The following PPP4R2 variants were observed in gnomAD, a reference collection of about 807,000 sequenced individuals.
PPP4R2 encodes serine/threonine-protein phosphatase 4 regulatory subunit 2.
Under a neutral mutation model 47.2 loss-of-function variants are expected in PPP4R2, and 13 were observed. The observed-to-expected ratio is 0.28, with a 90% CI of 0.18 to 0.44. PPP4R2 has a LOEUF of 0.44. Among genes scored for constraint, PPP4R2 ranks in the 20% least tolerant of loss-of-function variants. The pLI is 1.00. For missense variants in PPP4R2, 421 were observed against 491.2 expected, an observed-to-expected ratio of 0.86 and a Z score of 1.35; for synonymous variants, 151 against 163.3, an observed-to-expected ratio of 0.92 and a Z score of 0.57.
intron 1 of PPP4R2, chr3:72,997,349 G>T: frequency 2.7e-6 from 1 of 374,296 alleles, no homozygotes; most frequent in Non-Finnish European, 4.8e-6. Context: ...CCCGTTCAGG[G>T]GACGAGTGGC....
intron 3 of PPP4R2, among the ~76,000 whole-genome samples, chr3:73,052,805 A>G (rs968136830): frequency 2.0e-5 from 3 of 152,322 alleles, no homozygotes; most frequent in African/African-American, 7.2e-5. Flanking sequence ...TAGTGTTCCT[A>G]TATATTTATG....
rs116579644 is a variant in PPP4R2 at position 73,048,879 on chromosome 3, T to C, written c.287+1523T>C. ...AGGTTTAAGAATTTTGCTTGAAATGTCAAACCCTTAGGCCTTGACTTGGGG... is the reference window on the plus strand; with the variant it reads ...AGGTTTAAGAATTTTGCTTGAAATGCCAAACCCTTAGGCCTTGACTTGGGG... On this transcript the variant is annotated intron_variant, in intron 3 of 8. Coordinates refer to ENST00000356692, the MANE Select transcript of PPP4R2 (RefSeq NM_174907.4). 3.9e-3 allele frequency among the ~76,000 whole-genome samples: 590 copies of C among 152,330 alleles called. 7 individuals are homozygous for C. Among genetic ancestry groups the C allele is most frequent in the African/African-American group, 0.013 (541 of 41,568 alleles).
rs1034887321 is a variant in PPP4R2, at chr3:73,013,452, G to T, written c.116+15294G>T. Reference sequence around the variant, plus strand: ...TGCAAAGATGATTGAAATTGATACTGCTTTAGATGTTTCTGTCTCATTTTA... The same window carrying T: ...TGCAAAGATGATTGAAATTGATACTTCTTTAGATGTTTCTGTCTCATTTTA... On this transcript the variant is annotated intron_variant, in intron 2 of 8. Transcript: ENST00000356692. Among the ~76,000 whole-genome samples the T allele has an allele frequency of 2.0e-5, 3 of 151,640 alleles. No homozygotes were observed. In the East Asian group the frequency reaches 5.8e-4, roughly 29 times the overall value.
intron 2 of PPP4R2, among the ~76,000 whole-genome samples, chr3:73,028,077 T>C (rs12630903): frequency 5.3e-5 from 8 of 150,982 alleles, no homozygotes; most frequent in African/African-American, 2.4e-5. Flanking sequence ...GCCAACATGG[T>C]GAAACCTCAT....
At chr3:73,062,308 G>A (rs760790466) in intron 5 of PPP4R2, 2 of 1,606,944 alleles carry the variant, frequency 1.2e-6, no homozygotes, top group Non-Finnish European at 1.7e-6. Flanking sequence ...CTTCAAGGAA[G>A]ATTTGAGCTA....
chr3:73,035,941 C>T lies in PPP4R2; in HGVS notation c.117-11245C>T, dbSNP rs542055888. On this transcript the variant is annotated intron_variant, in intron 2 of 8. Coordinates refer to ENST00000356692, the MANE Select transcript of PPP4R2 (RefSeq NM_174907.4). ...AATACCTGCACTTTAATATTTATTG[C>T]AGCATTATTTACAGTAGCCAAGATA... 2.0e-5 allele frequency among the ~76,000 whole-genome samples: 3 copies of T among 152,298 alleles called. No individual in the cohort carries two copies. The South Asian group carries it at 6.2e-4, about 32-fold the overall frequency.
At chr3:73,014,085 A>G (rs1701777569) in intron 2 of PPP4R2, among the ~76,000 whole-genome samples, 1 of 129,970 alleles carries the variant, frequency 7.7e-6, no homozygotes, top group Admixed American at 7.6e-5. Flanking sequence ...AACCAATTCA[A>G]ACAGTGCTTA....
intron 2 of PPP4R2, among the ~76,000 whole-genome samples, chr3:73,023,326 A>C (rs753758057): frequency 6.6e-6 from 1 of 152,046 alleles, no homozygotes; most frequent in Non-Finnish European, 1.5e-5. Flanking sequence ...AGCTCAGATT[A>C]CGGGCATGCG....
chr3:73,052,421 C>CA (rs939768033), intron 3 of PPP4R2, among the ~76,000 whole-genome samples: 1 of 151,782 alleles, frequency 6.6e-6, no homozygotes, highest in Non-Finnish European at 1.5e-5. Context: ...ATTAAAAGAC[C>CA]ATTTTATGCC....
rs544845788 is a variant in PPP4R2 at position 73,060,407 on chromosome 3, T to G, written c.382-616T>G. Among the ~76,000 whole-genome samples, 5 of 152,288 alleles carry G rather than the reference T, an allele frequency of 3.3e-5. No individual in the cohort carries two copies. The East Asian group carries it at 7.7e-4, about 24-fold the overall frequency. On this transcript the variant is annotated intron_variant, in intron 4 of 8. Transcript: ENST00000356692. The stretch of plus-strand genomic sequence containing the variant: ...CCCTGCCTTTAAATCAGGGTTGCAG[T>G]GTTTCATAGTTGTGTGACCTTGGGC...
chr3:73,061,155 T>A (rs1702850268), intron 5 of PPP4R2, 95 bp downstream of exon 5: 1 of 545,808 alleles, frequency 1.8e-6, no homozygotes, highest in South Asian at 3.7e-5. Flanking sequence ...CTGAATTTAT[T>A]TAATATGTAA....
intron 3 of PPP4R2, among the ~76,000 whole-genome samples, chr3:73,048,511 C>T (rs1042693839): frequency 3.3e-5 from 5 of 152,344 alleles, no homozygotes; most frequent in Admixed American, 6.5e-5. Context: ...ACCTCAGCCT[C>T]CCACAGTGTT....
At position 73,044,220 on chromosome 3, in the gene PPP4R2, T is replaced by TTTGTTG. The variant is rs35270798; in HGVS notation, c.117-2948_117-2943dup. ...TGAATCATAGGGTGGTTTCATAATT[T>TTTGTTG]TTGTTGTTGTTGTTGTTGTTGTTTT... On this transcript the variant is annotated intron_variant, in intron 2 of 8. Coordinates refer to ENST00000356692, the MANE Select transcript of PPP4R2 (RefSeq NM_174907.4). Among the ~76,000 whole-genome samples, 827 of 150,968 alleles carry TTTGTTG rather than the reference T, an allele frequency of 5.5e-3. 20 individuals carry two copies. Among genetic ancestry groups the TTTGTTG allele is most frequent in the Admixed American group, 0.033 (499 of 15,162 alleles).
At chr3:73,005,862 T>C (rs1205429116) in intron 2 of PPP4R2, among the ~76,000 whole-genome samples, 1 of 149,966 alleles carries the variant, frequency 6.7e-6, no homozygotes, top group Non-Finnish European at 1.5e-5. Flanking sequence ...GTTATTGAGG[T>C]ATAATTGACA....
intron 5 of PPP4R2, chr3:73,062,987 C>A: frequency 8.7e-7 from 1 of 1,155,506 alleles, no homozygotes; most frequent in Non-Finnish European, 1.3e-6. Flanking sequence ...CTCTACGGGC[C>A]ATTGTGTCTG....
intron 2 of PPP4R2, among the ~76,000 whole-genome samples, chr3:73,024,404 G>C (rs1029257477): frequency 6.6e-6 from 1 of 152,244 alleles, no homozygotes; most frequent in East Asian, 1.9e-4. Flanking sequence ...AGAGGATCTT[G>C]TACATTCTGT....
At chr3:73,037,659 T>C (rs909103377) in intron 2 of PPP4R2, among the ~76,000 whole-genome samples, 1 of 152,212 alleles carries the variant, frequency 6.6e-6, no homozygotes, top group East Asian at 1.9e-4. Context: ...ATTTATTGTT[T>C]ATATTAAACA....
At chr3:73,055,909 G>A (rs982195714) in intron 3 of PPP4R2, among the ~76,000 whole-genome samples, 2 of 151,870 alleles carry the variant, frequency 1.3e-5, no homozygotes, top group Non-Finnish European at 2.9e-5. Context: ...CCTGGCCCAG[G>A]GTTTTTTATT....
At chr3:73,018,764 T>C (rs574157359) in intron 2 of PPP4R2, among the ~76,000 whole-genome samples, 1 of 152,342 alleles carries the variant, frequency 6.6e-6, no homozygotes, top group African/African-American at 2.4e-5. Flanking sequence ...TTCTTCCTTA[T>C]GGGATACCTT....
Sources: allele counts gnomAD v4.1 joint callset (sites outside exome capture counted in the v4.1 genomes callset), GRCh38; gene constraint gnomAD v4.1.1; transcripts MANE v1.5; gene names NCBI Gene and HGNC (gene_info 2026-07-23, HGNC 2026-07-21).